The following PTPN13 variants were observed in gnomAD, a reference collection of about 807,000 sequenced individuals.
The protein encoded by PTPN13 is tyrosine-protein phosphatase non-receptor type 13.
Under a neutral mutation model 284.0 loss-of-function variants are expected in PTPN13, and 191 were observed. That is an observed-to-expected ratio of 0.67 (90% CI 0.60 to 0.76). The LOEUF (loss-of-function observed/expected upper bound fraction) is 0.76. Among genes scored for constraint, PTPN13 ranks in the 30% least tolerant of loss-of-function variants. The pLI, the probability that PTPN13 is intolerant of heterozygous loss-of-function variation, is 0.00. For synonymous variants in PTPN13, 986 were observed against 1,022.3 expected (o/e 0.96, Z 0.68); for missense variants, 2,797 against 2,939.9 (o/e 0.95, Z 1.12).
chr4:86,761,966 A>C (rs747958208), intron 23 of PTPN13, among the ~76,000 whole-genome samples: 76 of 152,044 alleles, frequency 5.0e-4, no homozygotes, highest in Non-Finnish European at 5.9e-4. Flanking sequence ...AAGCTTTTTC[A>C]AGTGGCGTTT....
At chr4:86,611,721 G>A (rs1719908383) in intron 1 of PTPN13, among the ~76,000 whole-genome samples, 1 of 152,162 alleles carries the variant, frequency 6.6e-6, no homozygotes, top group Non-Finnish European at 1.5e-5. Flanking sequence ...GACTCCCTGA[G>A]TTCAGGAGAT....
intron 2 of PTPN13, among the ~76,000 whole-genome samples, chr4:86,659,691 C>T (rs1242672988): frequency 1.3e-5 from 2 of 152,172 alleles, no homozygotes; most frequent in East Asian, 3.9e-4. Context: ...TGGTGCACGC[C>T]TGTAGTCCCA....
intron 2 of PTPN13, among the ~76,000 whole-genome samples, chr4:86,648,600 A>G (rs1323327630): frequency 6.6e-6 from 1 of 152,122 alleles, no homozygotes; most frequent in African/African-American, 2.4e-5. Flanking sequence ...TTGTGTATAT[A>G]TGCCCCATTT....
chr4:86,692,078 T>C (rs1209959148), intron 5 of PTPN13, among the ~76,000 whole-genome samples: 2 of 152,230 alleles, frequency 1.3e-5, no homozygotes, highest in Non-Finnish European at 2.9e-5. Flanking sequence ...GAAGTTTCTT[T>C]GCTATTTCTC....
At chr4:86,806,441 T>C (rs1010128693) in intron 44 of PTPN13, among the ~76,000 whole-genome samples, 3 of 152,176 alleles carry the variant, frequency 2.0e-5, no homozygotes, top group Non-Finnish European at 4.4e-5. Flanking sequence ...AATAATGCAA[T>C]TGTATTTTTC....
At chr4:86,689,267 CTA>C in intron 5 of PTPN13, 77 bp downstream of exon 5, 2 of 1,178,942 alleles carry the variant, frequency 1.7e-6, no homozygotes, top group African/African-American at 1.5e-5. Context: ...TTTAAGGATA[CTA>C]TATAGGTAGC....
intron 7 of PTPN13, among the ~76,000 whole-genome samples, chr4:86,715,025 TAAA>T (rs1348656369): frequency 6.6e-6 from 1 of 151,982 alleles, no homozygotes; most frequent in Non-Finnish European, 1.5e-5. Context: ...GATATTCAGG[TAAA>T]GAAGAAGGGG....
intron 1 of PTPN13, among the ~76,000 whole-genome samples, chr4:86,634,913 TTCAGTTCAG>T (rs1722843226): frequency 1.3e-5 from 2 of 152,140 alleles, no homozygotes; most frequent in Non-Finnish European, 2.9e-5. Flanking sequence ...CTGAAAGGCC[TTCAGTTCAG>T]TCTGACTGCT....
intron 41 of PTPN13, 24 bp downstream of exon 41, chr4:86,796,953 TC>T (rs1490238421): frequency 7.7e-7 from 1 of 1,299,134 alleles, no homozygotes; most frequent in Admixed American, 2.0e-5. Flanking sequence ...TTTCAAAGTA[TC>T]CATAATGCTT....
chr4:86,670,625 G>A (rs1214838816), intron 2 of PTPN13, among the ~76,000 whole-genome samples: 2 of 152,054 alleles, frequency 1.3e-5, no homozygotes, highest in African/African-American at 2.4e-5. Flanking sequence ...GATTATTAGT[G>A]CGTTGTCTTC....
At chr4:86,700,733 G>T (rs1731067092) in intron 6 of PTPN13, among the ~76,000 whole-genome samples, 1 of 152,124 alleles carries the variant, frequency 6.6e-6, no homozygotes. Context: ...AATTCGAAAT[G>T]CTACAATCCT....
chr4:86,739,372 T>C (rs1438713702), intron 15 of PTPN13, among the ~76,000 whole-genome samples: 2 of 152,172 alleles, frequency 1.3e-5, no homozygotes, highest in African/African-American at 4.8e-5. Flanking sequence ...TATAGTTCCA[T>C]GTGGCTGGGG....
intron 1 of PTPN13, among the ~76,000 whole-genome samples, chr4:86,606,648 C>T (rs1490164927): frequency 4.0e-5 from 6 of 151,714 alleles, no homozygotes; most frequent in African/African-American, 1.2e-4. Flanking sequence ...TTTTATTTGG[C>T]GTACCGTCAA....
intron 2 of PTPN13, among the ~76,000 whole-genome samples, chr4:86,661,563 C>T (rs1448313816): frequency 6.6e-6 from 1 of 152,028 alleles, no homozygotes; most frequent in Non-Finnish European, 1.5e-5. Flanking sequence ...AGGTAAGTGG[C>T]AAGGCAGAGA....
chr4:86,679,576 T>C (rs139616893), intron 3 of PTPN13, among the ~76,000 whole-genome samples: 1 of 152,222 alleles, frequency 6.6e-6, no homozygotes, highest in African/African-American at 2.4e-5. Flanking sequence ...ATGCATAACA[T>C]AGTTTGAGAA....
At chr4:86,599,485 A>G (rs915990063) in intron 1 of PTPN13, among the ~76,000 whole-genome samples, 1 of 152,122 alleles carries the variant, frequency 6.6e-6, no homozygotes, top group Non-Finnish European at 1.5e-5. Context: ...ATTAGATACA[A>G]TTTAAAATTC....
intron 2 of PTPN13, among the ~76,000 whole-genome samples, chr4:86,669,285 G>GTATATATATATATGTA (rs1727458105): frequency 8.8e-6 from 1 of 113,342 alleles, no homozygotes; most frequent in Admixed American, 9.0e-5. Context: ...GGAAGAAGAT[G>GTATATATATATATGTA]TATATATATA....
intron 2 of PTPN13, among the ~76,000 whole-genome samples, chr4:86,642,376 A>T (rs1196679001): frequency 6.6e-6 from 1 of 151,252 alleles, no homozygotes; most frequent in Non-Finnish European, 1.5e-5. Context: ...TTTACTAAGA[A>T]TCTTCCTGTG....
At chr4:86,654,096 A>G (rs1450104907) in intron 2 of PTPN13, among the ~76,000 whole-genome samples, 1 of 152,212 alleles carries the variant, frequency 6.6e-6, no homozygotes, top group Non-Finnish European at 1.5e-5. Context: ...ACACCCTAAC[A>G]TCACAATTAA....
Sources: allele counts gnomAD v4.1 joint callset (sites outside exome capture counted in the v4.1 genomes callset), GRCh38; gene constraint gnomAD v4.1.1; transcripts MANE v1.5; gene names NCBI Gene and HGNC (gene_info 2026-07-23, HGNC 2026-07-21).